Variants in ZNF749 observed in about 807,000 individuals in gnomAD.
ZNF749 encodes zinc finger protein 749.
ZNF749 carries 8 observed loss-of-function variants against 7.3 expected under a neutral mutation model. That is an observed-to-expected ratio of 1.10 (90% CI 0.64 to 1.98). ZNF749 has a LOEUF of 1.98. Ranked by LOEUF, ZNF749 falls within the 30% of genes most tolerant of loss-of-function variation. ZNF749 has a pLI of 0.00. For missense variants in ZNF749, 898 were observed against 932.4 expected (o/e 0.96, Z 0.48); for synonymous variants, 310 against 322.4 (o/e 0.96, Z 0.41).
rs2089000255 is a variant in ZNF749 at position 57,442,367 on chromosome 19, G to A, written c.142+356G>A. 6.6e-6 allele frequency among the ~76,000 whole-genome samples: 1 copy of A among 152,138 alleles called. No individual in the cohort carries two copies. The highest frequency in any genetic ancestry group is 1.5e-5 in the Non-Finnish European group (1 of 68,024). On this transcript the variant is annotated intron_variant, in intron 2 of 2. Transcript: ENST00000334181. This position sits in a 1 kb window ranked among gnomAD's most constrained non-coding sequence, Gnocchi z 6.6. ...CCCTGTTCCCCTTGCTGACATACTT[G>A]GAGACAGTGTCTGTGCTAGGAATTT...
In ZNF749 at chr19:57,443,841, A is replaced by G. The variant is rs576883586; in HGVS notation, c.693A>G (p.Glu231=). 33 of 1,613,854 alleles carry G rather than the reference A, an allele frequency of 2.0e-5. No homozygotes were observed. In the South Asian group the frequency reaches 3.3e-4, roughly 16 times the overall value. The change falls in exon 3 of 3, where the codon GAA becomes GAG. Residue 231 remains glutamate, a synonymous_variant. Coordinates refer to ENST00000334181, the MANE Select transcript of ZNF749 (RefSeq NM_001023561.4). The part of the protein sequence containing the change: ...ERPYEFSECG[E]LFRYNSNLIK... Reference sequence around the variant, plus strand: ...CTTATGAGTTCAGTGAATGTGGGGAATTGTTTAGGTACAACTCCAACCTTA... The same window carrying G: ...CTTATGAGTTCAGTGAATGTGGGGAGTTGTTTAGGTACAACTCCAACCTTA...
intron 1 of ZNF749, among the ~76,000 whole-genome samples, chr19:57,438,939 ATGT>A (rs1190829050): frequency 6.6e-6 from 1 of 152,164 alleles, no homozygotes; most frequent in East Asian, 1.9e-4. Context: ...CTGAAAATCC[ATGT>A]TGTATCTGGT....
Position 57,445,529 on chromosome 19 carries a change from G to A in ZNF749, c.*44G>A. 6.4e-7 allele frequency: 1 copy of A among 1,555,612 alleles called. No individual in the cohort carries two copies. On this transcript the variant is annotated 3_prime_UTR_variant, in exon 3 of 3. Coordinates refer to ENST00000334181, the MANE Select transcript of ZNF749 (RefSeq NM_001023561.4). ...GTCACCAAAACTGTCACCTCATTCA[G>A]CACCAAAAGGTTCACATCGGACCAA...
In ZNF749 at chr19:57,443,801, A is replaced by G; in HGVS notation, c.653A>G (p.His218Arg). ...QHGLFEHQKT[H>R]NGERPYEFSE... is the part of the protein sequence containing the mutation. ...GGGCTGTTTGAGCACCAAAAAACCCATAATGGGGAGAGGCCTTATGAGTTC... is the reference window on the plus strand; with the variant it reads ...GGGCTGTTTGAGCACCAAAAAACCCGTAATGGGGAGAGGCCTTATGAGTTC... The change falls in exon 3 of 3, where the codon CAT becomes CGT. Residue 218 changes from histidine to arginine, a missense_variant. By Grantham distance (29) the His-to-Arg change is conservative (BLOSUM62 0). Transcript: ENST00000334181. 2 of 1,614,220 alleles carry G rather than the reference A, an allele frequency of 1.2e-6. No individual in the cohort carries two copies. The highest frequency in any genetic ancestry group is 1.7e-6 in the Non-Finnish European group (2 of 1,180,036).
At position 57,442,029 on chromosome 19, in the gene ZNF749, A is replaced by G. The variant is rs1341164375; in HGVS notation, c.142+18A>G. On this transcript the variant is annotated intron_variant, in intron 2 of 2. Coordinates refer to ENST00000334181, the MANE Select transcript of ZNF749 (RefSeq NM_001023561.4). The surrounding 1 kb of genome is among the most constrained non-coding windows in gnomAD (Gnocchi z 6.6). ...ATCAGTAGGTAAGGCCTTCATACCT[A>G]CTCTGGTGTCTTGTGCTGGGTGCTG... is the stretch of plus-strand genomic sequence containing the variant. 3.7e-6 allele frequency: 6 copies of G among 1,610,920 alleles called. No individual in the cohort carries two copies. The highest frequency in any genetic ancestry group is 1.3e-5 in the African/African-American group (1 of 74,652).
chr19:57,435,578 G>C lies in ZNF749; in HGVS notation c.-1G>C. The C allele has an allele frequency of 6.2e-7, 1 of 1,605,754 alleles. No individual in the cohort carries two copies. Among genetic ancestry groups the C allele is most frequent in the Non-Finnish European group, 8.5e-7 (1 of 1,177,300 alleles). On this transcript the variant is annotated 5_prime_UTR_variant, in exon 1 of 3. Coordinates refer to ENST00000334181, the MANE Select transcript of ZNF749 (RefSeq NM_001023561.4). ...TGGGTGGACTGGAGGAGGCCGCGCCGATGAACCTGACCGAGGTGCGTGCAG... is the reference window on the plus strand; with the variant it reads ...TGGGTGGACTGGAGGAGGCCGCGCCCATGAACCTGACCGAGGTGCGTGCAG...
At position 57,441,994 on chromosome 19, in the gene ZNF749, C is replaced by A. The variant is rs199969699; in HGVS notation, c.125C>A (p.Ala42Glu). ...AGCAATGTGATGTTGGAGAACTTTG[C>A]GCTTTTGTCATCAGTAGGTAAGGCC... ...LHSNVMLENF[A>E]LLSSVGCWHG... is the part of the protein sequence containing the mutation. Residue 42 changes from alanine (A) to glutamate (E), a missense_variant, in exon 2 of 3, where the codon GCG becomes GAG. Transcript: ENST00000334181. 6.2e-7 allele frequency: 1 copy of A among 1,613,944 alleles called. No individual in the cohort carries two copies.
chr19:57,431,819 GTTTT>G (rs538599173), upstream of ZNF749, among the ~76,000 whole-genome samples: 158 of 151,964 alleles, frequency 1.0e-3, no homozygotes, highest in African/African-American at 3.7e-3. Flanking sequence ...CTATGCTTGA[GTTTT>G]TTTTGTTTTT....
intron 1 of ZNF749, 69 bp downstream of exon 1, chr19:57,435,662 C>T: frequency 6.4e-7 from 1 of 1,567,346 alleles, no homozygotes; most frequent in African/African-American, 1.4e-5. Flanking sequence ...AGGAGCCGCC[C>T]TGCAGGTTAG....
In ZNF749 at chr19:57,444,564, A is replaced by G. The variant is rs2089036529; in HGVS notation, c.1416A>G (p.Gln472=). Residue 472 remains glutamine, a synonymous_variant, in exon 3 of 3, where the codon CAA becomes CAG. Coordinates refer to ENST00000334181, the MANE Select transcript of ZNF749 (RefSeq NM_001023561.4). ...TTTCAAAAAGGTCTGACCTCATTCAACACAAGAGGATTGACATTAGGCCAA... is the reference window on the plus strand; with the variant it reads ...TTTCAAAAAGGTCTGACCTCATTCAGCACAAGAGGATTGACATTAGGCCAA... The part of the protein sequence containing the change: ...DAFSKRSDLI[Q]HKRIDIRPRP... 1 of 1,613,644 alleles carries G rather than the reference A, an allele frequency of 6.2e-7. No individual in the cohort carries two copies. The highest frequency in any genetic ancestry group is 8.5e-7 in the Non-Finnish European group (1 of 1,179,884).
At chr19:57,433,313 T>A (rs2088908411), upstream of ZNF749, among the ~76,000 whole-genome samples, 1 of 152,230 alleles carries the variant, frequency 6.6e-6, no homozygotes, top group Non-Finnish European at 1.5e-5. Flanking sequence ...TGGGATGTTG[T>A]CTGGCTTCCT....
At position 57,444,673 on chromosome 19, in the gene ZNF749, C is replaced by T. The variant is rs369748791; in HGVS notation, c.1525C>T (p.Arg509Trp). ...TCACCAGAAAATCCATACTGGAGAACGGCCTTATGAATGCACTCAATGTGC... is the reference window on the plus strand; with the variant it reads ...TCACCAGAAAATCCATACTGGAGAATGGCCTTATGAATGCACTCAATGTGC... ...VGHQKIHTGE[R>W]PYECTQCAKA... is the part of the protein sequence containing the mutation. Residue 509 changes from arginine to tryptophan, a missense_variant, in exon 3 of 3, where the codon CGG (arginine) becomes TGG (tryptophan). By Grantham distance (101) the Arg-to-Trp change is moderately radical. Transcript: ENST00000334181. The T allele has an allele frequency of 2.2e-5, 36 of 1,613,408 alleles. No homozygotes were observed. Among genetic ancestry groups the T allele is most frequent in the Non-Finnish European group, 2.9e-5 (34 of 1,179,914 alleles).
rs767741694 is a variant in ZNF749, at chr19:57,441,901, A to G, written c.32A>G (p.Glu11Gly). The change falls in exon 2 of 3, where the codon GAG becomes GGG. Residue 11 changes from glutamate (E) to glycine (G), a missense_variant. Physicochemically the swap from Glu to Gly is moderately conservative, Grantham distance 98. Transcript: ENST00000334181. ...TTTTGGCAGGATTGTATGGTCTTTG[A>G]GGATGTGGCCATATATTTCTCCCAA... MNLTEDCMVFEDVAIYFSQEE... is the reference protein window; with the variant it reads MNLTEDCMVFGDVAIYFSQEE... The G allele has an allele frequency of 4.3e-6, 7 of 1,614,156 alleles. No individual in the cohort carries two copies. Among genetic ancestry groups the G allele is most frequent in the Non-Finnish European group, 5.9e-6 (7 of 1,180,012 alleles).
Position 57,445,717 on chromosome 19 carries a change from T to C in ZNF749, c.*232T>C, listed in dbSNP as rs1362428477. Among the ~76,000 whole-genome samples, 1 of 152,056 alleles carries C rather than the reference T, an allele frequency of 6.6e-6. No homozygotes were observed. Among genetic ancestry groups the C allele is most frequent in the Non-Finnish European group, 1.5e-5 (1 of 67,994 alleles). ...GCAGAGGTGGGTGGATCACCTGAGG[T>C]CAGGAGTTTGAGACCAGCCGGGCCA... On this transcript the variant is annotated 3_prime_UTR_variant, in exon 3 of 3. Transcript: ENST00000334181.
At position 57,446,345 on chromosome 19, in the gene ZNF749, G is replaced by C. The variant is rs2089065283; in HGVS notation, c.*860G>C. Reference sequence around the variant, plus strand: ...TCTGAAACTGTCTGCCCCCTCCTCTGTCCCTGATGCGTGGAAAAATTGGCT... The same window carrying C: ...TCTGAAACTGTCTGCCCCCTCCTCTCTCCCTGATGCGTGGAAAAATTGGCT... On this transcript the variant is annotated 3_prime_UTR_variant, in exon 3 of 3. Transcript: ENST00000334181. Among the ~76,000 whole-genome samples the C allele has an allele frequency of 6.6e-6, 1 of 152,178 alleles. No individual in the cohort carries two copies. Among genetic ancestry groups the C allele is most frequent in the Non-Finnish European group, 1.5e-5 (1 of 68,040 alleles).
At position 57,445,470 on chromosome 19, in the gene ZNF749, T is replaced by C; in HGVS notation, c.2322T>C (p.Thr774=). 1.9e-6 allele frequency: 3 copies of C among 1,608,146 alleles called. No individual in the cohort carries two copies. The highest frequency in any genetic ancestry group is 2.5e-6 in the Non-Finnish European group (3 of 1,177,092). Residue 774 remains threonine, a synonymous_variant, in exon 3 of 3, where the codon ACT becomes ACC. Coordinates refer to ENST00000334181, the MANE Select transcript of ZNF749 (RefSeq NM_001023561.4). ...SSLIKHQIIH[T]GKRP ...TCATTAAACATCAGATAATTCATAC[T>C]GGAAAAAGGCCTTAGTGGAGTGAAT...
chr19:57,440,755 C>G (rs1023304140), intron 1 of ZNF749, among the ~76,000 whole-genome samples: 2 of 151,922 alleles, frequency 1.3e-5, no homozygotes, highest in East Asian at 3.9e-4. Flanking sequence ...GCAATGGGCA[C>G]GTAAGGGAGA....
Position 57,437,972 on chromosome 19 carries a change from A to T in ZNF749, c.15+2379A>T, listed in dbSNP as rs1600102145. Reference sequence around the variant, plus strand: ...AGACACAGAGCTGCTAAGAGGCAGCACTGAACTTAGGACTTGCTGTAGCTT... The same window carrying T: ...AGACACAGAGCTGCTAAGAGGCAGCTCTGAACTTAGGACTTGCTGTAGCTT... On this transcript the variant is annotated intron_variant, in intron 1 of 2. Coordinates refer to ENST00000334181, the MANE Select transcript of ZNF749 (RefSeq NM_001023561.4). 1.8e-5 allele frequency: 7 copies of T among 397,178 alleles called. No homozygotes were observed. The South Asian group carries it at 9.0e-4, about 51-fold the overall frequency. The allele number at this position is 397,178 out of a possible 1,614,324, so 24.6% of individuals were successfully genotyped here. A position where few individuals can be genotyped will look rare whatever the true frequency, so the allele number is the denominator to read the frequency against.
Position 57,439,002 on chromosome 19 carries a change from C to A in ZNF749, c.16-2883C>A, listed in dbSNP as rs934180616. 6.6e-6 allele frequency among the ~76,000 whole-genome samples: 1 copy of A among 152,070 alleles called. No individual in the cohort carries two copies. The highest frequency in any genetic ancestry group is 1.9e-4 in the East Asian group (1 of 5,192). ...AGGAGGTTGGGGCATACAGGGCATG[C>A]GGGATCGGCATGGAATGGCAGTCTA... On this transcript the variant is annotated intron_variant, in intron 1 of 2. Transcript: ENST00000334181. The surrounding 1 kb of genome is among the most constrained non-coding windows in gnomAD (Gnocchi z 4.3).
Sources: allele counts gnomAD v4.1 joint callset (sites outside exome capture counted in the v4.1 genomes callset), GRCh38; gene constraint gnomAD v4.1.1; non-coding constraint Gnocchi (gnomAD v3.1); transcripts MANE v1.5; gene names NCBI Gene and HGNC (gene_info 2026-07-23, HGNC 2026-07-21).